PPP1R1A: variants seen among roughly 807,000 people sequenced by gnomAD.
The protein encoded by PPP1R1A is protein phosphatase 1 regulatory subunit 1A.
In PPP1R1A, 18 loss-of-function variants were observed where a neutral mutation model predicts 23.9. The observed-to-expected ratio is 0.75, with a 90% CI of 0.52 to 1.12. PPP1R1A has a LOEUF of 1.12. Ranked by LOEUF, PPP1R1A falls within the 50% of genes most tolerant of loss-of-function variation. The pLI, the probability that PPP1R1A is intolerant of heterozygous loss-of-function variation, is 0.00. For missense variants in PPP1R1A, 207 were observed against 223.8 expected (o/e 0.92, Z 0.48); for synonymous variants, 84 against 80.7 (o/e 1.04, Z -0.22).
chr12:54,579,877 C>T lies in PPP1R1A; in HGVS notation c.*510G>A, dbSNP rs866209042. ...ATGGGCCAAGTGCCATGGTGCAGTT[C>T]CCCTTTTGTCCAGCAGATGGAGCCC... On this transcript the variant is annotated 3_prime_UTR_variant, in exon 7 of 7. Transcript: ENST00000257905. The T allele has an allele frequency of 1.0e-6, 1 of 986,246 alleles. No individual in the cohort carries two copies. The highest frequency in any genetic ancestry group is 6.1e-5 in the Admixed American group (1 of 16,344). The allele number at this position is 986,246 out of a possible 1,614,324, so 61.1% of individuals were successfully genotyped here.
chr12:54,585,395 C>T (rs189781619), intron 1 of PPP1R1A, among the ~76,000 whole-genome samples: 6 of 152,158 alleles, frequency 3.9e-5, no homozygotes, highest in African/African-American at 9.7e-5. Flanking sequence ...CCTTTCCCCC[C>T]ACTGTTGTTC....
chr12:54,582,894 C>T, intron 3 of PPP1R1A, 99 bp from the exon 4 acceptor site: 1 of 1,268,402 alleles, frequency 7.9e-7, no homozygotes, highest in East Asian at 2.4e-5. Flanking sequence ...CCCCCCTTGC[C>T]TTCCTCCTCT....
rs1957833520 is a variant in PPP1R1A at position 54,579,628 on chromosome 12, C to T, written c.*759G>A. ...CTTGGTTTTGGTCTTATCTGGGCCC[C>T]TCAATGTCTAGGACAAGGGAACCCT... On this transcript the variant is annotated 3_prime_UTR_variant, in exon 7 of 7. Coordinates refer to ENST00000257905, the MANE Select transcript of PPP1R1A (RefSeq NM_006741.4). 3 of 985,338 alleles carry T rather than the reference C, an allele frequency of 3.0e-6. No individual in the cohort carries two copies. The highest frequency in any genetic ancestry group is 3.6e-6 in the Non-Finnish European group (3 of 829,976). The allele number at this position is 985,338 out of a possible 1,614,324, so 61.0% of individuals were successfully genotyped here.
chr12:54,584,950 T>C (rs561928645), intron 1 of PPP1R1A, among the ~76,000 whole-genome samples: 2 of 152,308 alleles, frequency 1.3e-5, no homozygotes, highest in South Asian at 4.1e-4. Context: ...TCTGGCTTGC[T>C]GTCCTTCCGT....
Position 54,579,775 on chromosome 12 carries a change from G to A in PPP1R1A, c.*612C>T. On this transcript the variant is annotated 3_prime_UTR_variant, in exon 7 of 7. Coordinates refer to ENST00000257905, the MANE Select transcript of PPP1R1A (RefSeq NM_006741.4). ...GAAGAGGGAACACATCCTGAAGCTT[G>A]GGAATCCAAAAGGAAGGCAGCTGGG... 1.0e-6 allele frequency: 1 copy of A among 985,696 alleles called. No individual in the cohort carries two copies. Among genetic ancestry groups the A allele is most frequent in the Non-Finnish European group, 1.2e-6 (1 of 830,136 alleles). The allele number at this position is 985,696 out of a possible 1,614,324, so 61.1% of individuals were successfully genotyped here.
At position 54,582,075 on chromosome 12, in the gene PPP1R1A, C is replaced by T; in HGVS notation, c.304G>A (p.Glu102Lys). ...LGQQQQGEEP[E>K]GAAESTGTQE... The stretch of plus-strand genomic sequence containing the variant: ...GTTCCTGTGCTCTCAGCGGCCCCCT[C>T]AGGTTCCTCTCCTTGCTGCTGTTGC... Residue 102 changes from glutamate (E) to lysine (K), a missense_variant, in exon 5 of 7, where the codon GAG becomes AAG. Physicochemically the swap from Glu to Lys is moderately conservative, Grantham distance 56 (BLOSUM62 1). Transcript: ENST00000257905. 1 of 1,613,872 alleles carries T rather than the reference C, an allele frequency of 6.2e-7. No individual in the cohort carries two copies. The highest frequency in any genetic ancestry group is 1.1e-5 in the South Asian group (1 of 91,076).
Position 54,582,189 on chromosome 12 carries a change from T to C in PPP1R1A, c.248-58A>G, listed in dbSNP as rs543390477. 242 of 1,516,788 alleles carry C rather than the reference T, an allele frequency of 1.6e-4. 2 individuals carry two copies. In the African/African-American group the frequency reaches 2.7e-3, roughly 17 times the overall value. 94.0% of individuals were successfully genotyped at this position (1,516,788 alleles called of 1,614,324 possible). A position where few individuals can be genotyped will look rare whatever the true frequency, so the allele number is the denominator to read the frequency against. ...ATATGACTGCCTAGCGTCTCCCCTG[T>C]GGGCCTCCGGATTCAACAGCCCCAC... On this transcript the variant is annotated intron_variant, in intron 4 of 6. Transcript: ENST00000257905.
chr12:54,585,614 G>A (rs1957902197), intron 1 of PPP1R1A, among the ~76,000 whole-genome samples: 2 of 152,148 alleles, frequency 1.3e-5, no homozygotes, highest in East Asian at 3.9e-4. Flanking sequence ...GCTGAGAGGA[G>A]TAGGATGAGG....
chr12:54,586,598 C>T (rs1957913715), intron 1 of PPP1R1A, among the ~76,000 whole-genome samples: 1 of 152,186 alleles, frequency 6.6e-6, no homozygotes, highest in Admixed American at 6.5e-5. Flanking sequence ...TTTTGCCTAA[C>T]ACAGCAGGAG....
intron 1 of PPP1R1A, among the ~76,000 whole-genome samples, chr12:54,586,695 T>A (rs1006183429): frequency 2.6e-5 from 4 of 152,176 alleles, no homozygotes; most frequent in African/African-American, 9.7e-5. Context: ...GTCCCGGCTC[T>A]CTTTTTTCCC....
At chr12:54,584,171 GTTC>G (rs1437564622) in intron 2 of PPP1R1A, 86 bp downstream of exon 2, 6 of 1,304,300 alleles carry the variant, frequency 4.6e-6, no homozygotes, top group African/African-American at 4.4e-5. Flanking sequence ...TCTCAGAGCT[GTTC>G]TTCTTCCATC....
Position 54,588,530 on chromosome 12 carries a change from G to A in PPP1R1A, c.-42C>T, listed in dbSNP as rs764348160. 1.6e-6 allele frequency: 2 copies of A among 1,263,124 alleles called. No individual in the cohort carries two copies. Among genetic ancestry groups the A allele is most frequent in the Non-Finnish European group, 2.0e-6 (2 of 979,312 alleles). The allele number at this position is 1,263,124 out of a possible 1,614,324, so 78.2% of individuals were successfully genotyped here. A position where few individuals can be genotyped will look rare whatever the true frequency, so the allele number is the denominator to read the frequency against. ...GGTGGGCCCGCGCTGCGGCGGGAGG[G>A]AAGGCGGCGGGACTCGGGGCTGGGG... On this transcript the variant is annotated 5_prime_UTR_variant, in exon 1 of 7. Transcript: ENST00000257905.
In PPP1R1A at chr12:54,579,517, T is replaced by C; in HGVS notation, c.*870A>G. 2.0e-6 allele frequency: 2 copies of C among 985,334 alleles called. No individual in the cohort carries two copies. The highest frequency in any genetic ancestry group is 9.4e-5 in the South Asian group (2 of 21,264). 61.0% of individuals were successfully genotyped at this position (985,334 alleles called of 1,614,324 possible). ...GGAAAGAATCTTGCCTTCCCTCCTT[T>C]CCTCTCTCCCACTACCTGGGAAAAT... On this transcript the variant is annotated 3_prime_UTR_variant, in exon 7 of 7. Coordinates refer to ENST00000257905, the MANE Select transcript of PPP1R1A (RefSeq NM_006741.4).
In PPP1R1A at chr12:54,588,264, C is replaced by A. The variant is rs952495243; in HGVS notation, c.84+141G>T. ...GGGGGAGGGGACAGAAGACCCCCCC[C>A]CGCCCCCCGCAAACTGAGCGTTCGT... is the stretch of plus-strand genomic sequence containing the variant. On this transcript the variant is annotated intron_variant, in intron 1 of 6. Coordinates refer to ENST00000257905, the MANE Select transcript of PPP1R1A (RefSeq NM_006741.4). The A allele has an allele frequency of 4.5e-4, 134 of 300,854 alleles. 4 individuals carry two copies. The highest frequency in any genetic ancestry group is 4.2e-4 in the Admixed American group (8 of 18,912). The allele number at this position is 300,854 out of a possible 1,614,324, so 18.6% of individuals were successfully genotyped here.
At chr12:54,586,835 C>CG (rs1307701965) in intron 1 of PPP1R1A, among the ~76,000 whole-genome samples, 1 of 152,132 alleles carries the variant, frequency 6.6e-6, no homozygotes, top group Admixed American at 6.5e-5. Context: ...ATACAGGTGT[C>CG]GGGCCCTGTC....
At chr12:54,588,256 A>ACCCCCCCCCCCCCCCC (rs142801029) in intron 1 of PPP1R1A, 149 bp downstream of exon 1, 10 of 181,488 alleles carry the variant, frequency 5.5e-5, no homozygotes, top group South Asian at 4.9e-4. Flanking sequence ...GGGACAGAAG[A>ACCCCCCCCCCCCCCCC]CCCCCCCCCG....
At chr12:54,582,163 G>C (rs1438910295) in intron 4 of PPP1R1A, 32 bp from the exon 5 acceptor site, 5 of 1,595,310 alleles carry the variant, frequency 3.1e-6, no homozygotes, top group East Asian at 2.3e-5. Context: ...GGGAACACTG[G>C]ATATGACTGC....
At chr12:54,584,202 T>C (rs1565712366) in intron 2 of PPP1R1A, 58 bp downstream of exon 2, 5 of 1,468,178 alleles carry the variant, frequency 3.4e-6, no homozygotes, top group East Asian at 2.4e-5. Context: ...CATCTTCTCA[T>C]TGGGACCTGC....
At chr12:54,587,765 A>G (rs903045348) in intron 1 of PPP1R1A, among the ~76,000 whole-genome samples, 1 of 152,066 alleles carries the variant, frequency 6.6e-6, no homozygotes, top group Admixed American at 6.5e-5. Context: ...GGAGTTGGGA[A>G]TAAGGGCCAT....
Sources: allele counts gnomAD v4.1 joint callset (sites outside exome capture counted in the v4.1 genomes callset), GRCh38; gene constraint gnomAD v4.1.1; transcripts MANE v1.5; gene names NCBI Gene and HGNC (gene_info 2026-07-23, HGNC 2026-07-21).